The following SSH1 variants were observed in gnomAD, a reference collection of about 807,000 sequenced individuals.
SSH1 encodes slingshot protein phosphatase 1, also known as protein phosphatase Slingshot homolog 1.
A neutral mutation model predicts 79.7 loss-of-function variants in SSH1; 43 were observed. The observed-to-expected ratio is 0.54, with a 90% CI of 0.42 to 0.70. The LOEUF is 0.70. SSH1 is among the 30% of genes least tolerant of loss of function. The probability of loss-of-function intolerance (pLI) is 0.00; values close to 1 mark genes in which losing one functional copy is unlikely to be tolerated. For missense variants in SSH1, 1,206 were observed against 1,358.8 expected (o/e 0.89, Z 1.77); for synonymous variants, 599 against 538.3 (o/e 1.11, Z -1.56).
In SSH1 at chr12:108,823,238, T is replaced by C. The variant is rs773223917; in HGVS notation, c.214+20A>G. On this transcript the variant is annotated intron_variant, in intron 3 of 14. Transcript: ENST00000326495. The stretch of plus-strand genomic sequence containing the variant: ...CAGAAAAGAAGCTCCAATGTAAGAG[T>C]ATCAACTTAGAGCCCTCACCTGCAT... The C allele has an allele frequency of 4.5e-6, 7 of 1,556,606 alleles. No individual in the cohort carries two copies. The Admixed American group carries it at 1.2e-4, about 26-fold the overall frequency.
rs574807806 is a variant in SSH1, at chr12:108,837,544, C to CA, written c.111-14184dup. On this transcript the variant is annotated intron_variant, in intron 2 of 14. Transcript: ENST00000326495. Reference sequence around the variant, plus strand: ...GTTGACAAATTACTTTCAAATGGTTCAAAAAAGAAAGTTCTTTTCACTGTA... The same window carrying CA: ...GTTGACAAATTACTTTCAAATGGTTCAAAAAAAGAAAGTTCTTTTCACTGTA... 6.2e-4 allele frequency among the ~76,000 whole-genome samples: 94 copies of CA among 152,090 alleles called. 3 individuals are homozygous for CA. Among genetic ancestry groups the CA allele is most frequent in the Middle Eastern group, 6.8e-3 (2 of 292 alleles).
At chr12:108,839,548 T>C (rs2038725065) in intron 2 of SSH1, among the ~76,000 whole-genome samples, 1 of 152,126 alleles carries the variant, frequency 6.6e-6, no homozygotes, top group African/African-American at 2.4e-5. Context: ...TCTTGGCAAG[T>C]GCGTGCCAGG....
In SSH1 at chr12:108,778,804, CTTTTA is replaced by C. The variant is rs1416652697; in HGVS notation, c.*9179_*9183del. On this transcript the variant is annotated 3_prime_UTR_variant, in exon 15 of 15. Transcript: ENST00000326495. ...GTGGGATAATTTGTCTTTTTAAAAT[CTTTTA>C]TTTTTATTTGTTTTTGAGACACGGT... The C allele has an allele frequency of 2.0e-5, 3 of 152,698 alleles. No individual in the cohort carries two copies. Among genetic ancestry groups the C allele is most frequent in the Non-Finnish European group, 2.9e-5 (2 of 68,190 alleles). The allele number at this position is 152,698 out of a possible 1,614,324, so 9.5% of individuals were successfully genotyped here.
In SSH1 at chr12:108,785,518, C is replaced by CTATTAAG. The variant is rs1879602758; in HGVS notation, c.*2463_*2469dup. Reference sequence around the variant, plus strand: ...ACCTTACCCTTTTCTCCAGGCCAGGCTATTAAGCATCAAGTCCAGAATGCT... The same window carrying CTATTAAG: ...ACCTTACCCTTTTCTCCAGGCCAGGCTATTAAGTATTAAGCATCAAGTCCAGAATGCT... On this transcript the variant is annotated 3_prime_UTR_variant, in exon 15 of 15. Transcript: ENST00000326495. 2 of 152,200 alleles carry CTATTAAG rather than the reference C, an allele frequency of 1.3e-5. No homozygotes were observed. Among genetic ancestry groups the CTATTAAG allele is most frequent in the South Asian group, 4.1e-4 (2 of 4,834 alleles). 9.4% of individuals were successfully genotyped at this position (152,200 alleles called of 1,614,324 possible).
intron 5 of SSH1, among the ~76,000 whole-genome samples, chr12:108,816,835 G>C (rs147702827): frequency 1.1e-4 from 16 of 152,316 alleles, no homozygotes; most frequent in Admixed American, 2.6e-4. Context: ...TGAGTTCTGA[G>C]AGCACAGCCT....
At chr12:108,846,354 G>A (rs1261416337) in intron 2 of SSH1, among the ~76,000 whole-genome samples, 2 of 152,032 alleles carry the variant, frequency 1.3e-5, no homozygotes, top group Non-Finnish European at 2.9e-5. Context: ...TATCTCCCCA[G>A]TGTCCTACCT....
At chr12:108,841,163 G>A (rs904759101) in intron 2 of SSH1, among the ~76,000 whole-genome samples, 2 of 152,200 alleles carry the variant, frequency 1.3e-5, no homozygotes, top group African/African-American at 4.8e-5. Context: ...TCTCAAGATG[G>A]ACCCTAGGTT....
chr12:108,845,198 A>G lies in SSH1; in HGVS notation c.110+7440T>C, dbSNP rs546616178. 4.9e-4 allele frequency among the ~76,000 whole-genome samples: 64 copies of G among 131,040 alleles called. 1 individual carries two copies. Among genetic ancestry groups the G allele is most frequent in the Middle Eastern group, 4.2e-3 (1 of 240 alleles). 86.0% of individuals were successfully genotyped at this position (131,040 alleles called of 152,430 possible). ...CACTCCAGCCTGGGCAACAGAGCAG[A>G]AAAAAAAAAAAAAAAGTAAAAAAAA... On this transcript the variant is annotated intron_variant, in intron 2 of 14. Transcript: ENST00000326495.
intron 1 of SSH1, among the ~76,000 whole-genome samples, chr12:108,854,596 C>A (rs1213348759): frequency 6.6e-6 from 1 of 152,200 alleles, no homozygotes; most frequent in African/African-American, 2.4e-5. Context: ...GAAAGCACTG[C>A]CCTAAGTGTC....
At chr12:108,839,349 C>T (rs1214359395) in intron 2 of SSH1, among the ~76,000 whole-genome samples, 1 of 152,182 alleles carries the variant, frequency 6.6e-6, no homozygotes, top group African/African-American at 2.4e-5. Flanking sequence ...TGACTCCAGA[C>T]CTAAAGAGCC....
chr12:108,817,786 G>A (rs1228159327), intron 4 of SSH1, among the ~76,000 whole-genome samples: 2 of 152,292 alleles, frequency 1.3e-5, no homozygotes, highest in East Asian at 1.9e-4. Flanking sequence ...CGCCCCTCTG[G>A]GGAACTGAGG....
intron 13 of SSH1, among the ~76,000 whole-genome samples, chr12:108,795,024 C>T (rs1385308755): frequency 1.3e-5 from 2 of 152,198 alleles, no homozygotes; most frequent in Non-Finnish European, 2.9e-5. Flanking sequence ...CTTCCCCCTA[C>T]CCCGCTTCAC....
At chr12:108,828,974 A>G (rs2038403691) in intron 2 of SSH1, among the ~76,000 whole-genome samples, 1 of 152,144 alleles carries the variant, frequency 6.6e-6, no homozygotes, top group East Asian at 1.9e-4. Context: ...ACAATTCCAA[A>G]ATAGAATCAC....
chr12:108,786,836 G>A lies in SSH1; in HGVS notation c.*1152C>T, dbSNP rs1310510475. The A allele has an allele frequency of 6.6e-6, 1 of 152,188 alleles. No homozygotes were observed. Among genetic ancestry groups the A allele is most frequent in the Non-Finnish European group, 1.5e-5 (1 of 68,050 alleles). The allele number at this position is 152,188 out of a possible 1,614,324, so 9.4% of individuals were successfully genotyped here. On this transcript the variant is annotated 3_prime_UTR_variant, in exon 15 of 15. Transcript: ENST00000326495. ...CCTTTGATTCAAGCCTGGCGCAGCG[G>A]GACTGGCTGAGCTCACCTGAGTCTT...
chr12:108,800,998 T>G, intron 11 of SSH1, 72 bp from the exon 12 acceptor site: 1 of 1,481,004 alleles, frequency 6.8e-7, no homozygotes, highest in Non-Finnish European at 9.3e-7. Context: ...TAATAAAAAC[T>G]GGCAGAGAAA....
intron 13 of SSH1, among the ~76,000 whole-genome samples, chr12:108,793,645 C>T (rs1565972525): frequency 6.6e-6 from 1 of 152,086 alleles, no homozygotes; most frequent in Non-Finnish European, 1.5e-5. Flanking sequence ...ATCCTCCTAC[C>T]TCAGCCTCCC....
In SSH1 at chr12:108,784,584, G is replaced by A. The variant is rs1166491034; in HGVS notation, c.*3404C>T. On this transcript the variant is annotated 3_prime_UTR_variant, in exon 15 of 15. Transcript: ENST00000326495. ...ATGCAACCAGGGACCTTGCTAGAAG[G>A]CTCGGAAGTAGCCGTAAGACAAAGA... The A allele has an allele frequency of 6.6e-6, 1 of 152,178 alleles. No individual in the cohort carries two copies. Among genetic ancestry groups the A allele is most frequent in the East Asian group, 1.9e-4 (1 of 5,202 alleles). 9.4% of individuals were successfully genotyped at this position (152,178 alleles called of 1,614,324 possible).
At chr12:108,827,732 C>T (rs11114065) in intron 2 of SSH1, among the ~76,000 whole-genome samples, 45,282 of 152,074 alleles carry the variant, frequency 0.3, 6,920 homozygotes, top group South Asian at 0.43. Context: ...CAACAAGACC[C>T]CCTTCCGATT....
chr12:108,847,319 C>T (rs1160062215), intron 2 of SSH1, among the ~76,000 whole-genome samples: 1 of 152,224 alleles, frequency 6.6e-6, no homozygotes, highest in African/African-American at 2.4e-5. Flanking sequence ...TAAAGGAACT[C>T]AGCCACCAGC....
Sources: allele counts gnomAD v4.1 joint callset (sites outside exome capture counted in the v4.1 genomes callset), GRCh38; gene constraint gnomAD v4.1.1; transcripts MANE v1.5; gene names NCBI Gene and HGNC (gene_info 2026-07-23, HGNC 2026-07-21).